The following CNTN5 variants were observed in gnomAD, a reference collection of about 807,000 sequenced individuals.
CNTN5 encodes the protein contactin-5.
CNTN5 carries 77 observed loss-of-function variants against 129.1 expected under a neutral mutation model. The observed-to-expected ratio is 0.60, with a 90% CI of 0.50 to 0.72. The LOEUF (loss-of-function observed/expected upper bound fraction) is 0.72. Ranked by LOEUF, CNTN5 falls within the 30% of genes least tolerant of loss-of-function variation. CNTN5 has a pLI of 0.00. For synonymous variants in CNTN5, 509 were observed against 465.6 expected (o/e 1.09, Z -1.20); for missense variants, 1,478 against 1,328.8 (o/e 1.11, Z -1.75).
At chr11:100,005,461 A>G (rs1940134279) in intron 9 of CNTN5, among the ~76,000 whole-genome samples, 1 of 152,166 alleles carries the variant, frequency 6.6e-6, no homozygotes, top group Admixed American at 6.6e-5. Context: ...TGGTAAGAAC[A>G]CTTATCATGA....
At chr11:99,907,114 T>C (rs1949530067) in intron 6 of CNTN5, among the ~76,000 whole-genome samples, 1 of 152,154 alleles carries the variant, frequency 6.6e-6, no homozygotes, top group African/African-American at 2.4e-5. Context: ...TTTGTGTCTG[T>C]ATCTCCTTCA....
intron 13 of CNTN5, among the ~76,000 whole-genome samples, chr11:100,094,534 G>C (rs907080032): frequency 8.5e-5 from 13 of 152,070 alleles, no homozygotes; most frequent in African/African-American, 3.1e-4. Context: ...CTAATCACTG[G>C]AGTAAAGCCC....
At chr11:100,022,121 C>A (rs1056622551) in intron 9 of CNTN5, among the ~76,000 whole-genome samples, 1 of 152,152 alleles carries the variant, frequency 6.6e-6, no homozygotes. Context: ...CCCAGAAACA[C>A]CCAGATACAC....
At chr11:99,530,895 C>G (rs1312572765) in intron 2 of CNTN5, among the ~76,000 whole-genome samples, 1 of 152,136 alleles carries the variant, frequency 6.6e-6, no homozygotes, top group East Asian at 1.9e-4. Flanking sequence ...CTTTTTCTTC[C>G]CACTGTTGGG....
At chr11:99,674,496 T>C (rs1953186970) in intron 3 of CNTN5, among the ~76,000 whole-genome samples, 1 of 152,140 alleles carries the variant, frequency 6.6e-6, no homozygotes, top group Non-Finnish European at 1.5e-5. Flanking sequence ...GTTTTTTATT[T>C]TGTTGGTTGC....
chr11:100,295,075 A>T (rs976388428), intron 18 of CNTN5, among the ~76,000 whole-genome samples: 33 of 151,654 alleles, frequency 2.2e-4, no homozygotes, highest in Admixed American at 9.9e-4. Flanking sequence ...AACTTTTTTT[A>T]AAATTTGAGT....
At chr11:99,237,806 G>T (rs181793805) in intron 1 of CNTN5, among the ~76,000 whole-genome samples, 4 of 152,156 alleles carry the variant, frequency 2.6e-5, no homozygotes, top group Admixed American at 2.6e-4. Context: ...TAATAATTAT[G>T]GGTCCAATTT....
intron 3 of CNTN5, among the ~76,000 whole-genome samples, chr11:99,648,588 G>C (rs1952048524): frequency 6.6e-6 from 1 of 151,722 alleles, no homozygotes; most frequent in Non-Finnish European, 1.5e-5. Flanking sequence ...AAAGAAGTAA[G>C]TATGTCAAAG....
chr11:99,097,121 T>A (rs186921062), intron 1 of CNTN5, among the ~76,000 whole-genome samples: 5 of 151,934 alleles, frequency 3.3e-5, no homozygotes, highest in Non-Finnish European at 5.9e-5. Flanking sequence ...ATCCAAATAA[T>A]TGGAGTTAGA....
intron 6 of CNTN5, among the ~76,000 whole-genome samples, chr11:99,914,764 G>C (rs922122082): frequency 9.2e-5 from 14 of 152,022 alleles, no homozygotes; most frequent in Non-Finnish European, 1.6e-4. Context: ...TTGGTGTCAT[G>C]TCTTCACTAC....
At chr11:99,811,230 A>T (rs1251534989) in intron 3 of CNTN5, among the ~76,000 whole-genome samples, 1 of 151,978 alleles carries the variant, frequency 6.6e-6, no homozygotes, top group Non-Finnish European at 1.5e-5. Flanking sequence ...ATATTTTAGG[A>T]GCGGTAAATT....
At chr11:99,249,685 A>C (rs2135786823) in intron 1 of CNTN5, among the ~76,000 whole-genome samples, 1 of 152,136 alleles carries the variant, frequency 6.6e-6, no homozygotes, top group African/African-American at 2.4e-5. Context: ...TGAGAAATTA[A>C]GACAAAAACT....
chr11:99,614,748 G>A (rs1950705655), intron 3 of CNTN5, among the ~76,000 whole-genome samples: 1 of 152,128 alleles, frequency 6.6e-6, no homozygotes, highest in Non-Finnish European at 1.5e-5. Context: ...CTGATGGAAA[G>A]TAACCCTATT....
rs185426092 is a variant in CNTN5, at chr11:99,502,737, C to T, written c.-70-53408C>T. ...TTTTCAACAAAAGCACAGTTATGCT[C>T]TAGGTCCCTACTCTTCTAAACCATA... On this transcript the variant is annotated intron_variant, in intron 2 of 24. Transcript: ENST00000524871. Among the ~76,000 whole-genome samples, 134 of 152,302 alleles carry T rather than the reference C, an allele frequency of 8.8e-4. 2 individuals carry two copies. The highest frequency in any genetic ancestry group is 7.5e-3 in the Admixed American group (115 of 15,296).
At chr11:99,766,663 G>C (rs896949795) in intron 3 of CNTN5, among the ~76,000 whole-genome samples, 10 of 151,912 alleles carry the variant, frequency 6.6e-5, no homozygotes, top group Non-Finnish European at 1.5e-5. Context: ...CCCCATCGCT[G>C]CTGTTAACTT....
At chr11:100,259,934 A>C (rs1466385414) in intron 17 of CNTN5, among the ~76,000 whole-genome samples, 5 of 152,164 alleles carry the variant, frequency 3.3e-5, no homozygotes, top group Non-Finnish European at 7.3e-5. Flanking sequence ...AAGACAAGAA[A>C]TAACTAAGAC....
chr11:99,083,391 A>G (rs1284807290), intron 1 of CNTN5, among the ~76,000 whole-genome samples: 1 of 152,186 alleles, frequency 6.6e-6, no homozygotes, highest in African/African-American at 2.4e-5. Context: ...CTTTGGTATC[A>G]GGTGGCACTT....
At chr11:99,152,159 TAC>T (rs1860092176) in intron 1 of CNTN5, among the ~76,000 whole-genome samples, 1 of 152,210 alleles carries the variant, frequency 6.6e-6, no homozygotes, top group African/African-American at 2.4e-5. Context: ...GGTAAAAATC[TAC>T]AGTCATTATG....
At chr11:99,488,820 CATGTAATTAACAAAA>C (rs1372683342) in intron 2 of CNTN5, among the ~76,000 whole-genome samples, 2 of 152,178 alleles carry the variant, frequency 1.3e-5, no homozygotes, top group African/African-American at 4.8e-5. Flanking sequence ...GAGGATTAGT[CATGTAATTAACAAAA>C]ATGTTTGTGG....
Sources: allele counts gnomAD v4.1 joint callset (sites outside exome capture counted in the v4.1 genomes callset), GRCh38; gene constraint gnomAD v4.1.1; transcripts MANE v1.5; gene names NCBI Gene and HGNC (gene_info 2026-07-23, HGNC 2026-07-21).